MGAM: variants seen among roughly 807,000 people sequenced by gnomAD.
MGAM encodes the protein maltase-glucoamylase, also known as alpha-1,4-glucosidase.
A neutral mutation model predicts 358.8 loss-of-function variants in MGAM; 253 were observed. The observed-to-expected ratio is 0.71, with a 90% confidence interval of 0.64 to 0.78. The LOEUF is 0.78. MGAM is among the 30% of genes least tolerant of loss of function. The pLI is 0.00. For missense variants in MGAM, 3,080 were observed against 3,432.6 expected (o/e 0.90, Z 2.57); for synonymous variants, 1,105 against 1,227.1 (o/e 0.90, Z 2.08).
intron 26 of MGAM, 24 bp from the exon 27 acceptor site, chr7:142,054,730 T>C: frequency 6.2e-7 from 1 of 1,612,852 alleles, no homozygotes; most frequent in Non-Finnish European, 8.5e-7. Context: ...TATTGTTGCC[T>C]AAAATTGATT....
At chr7:142,065,055 A>T (rs1439345981) in intron 37 of MGAM, among the ~76,000 whole-genome samples, 2 of 152,212 alleles carry the variant, frequency 1.3e-5, no homozygotes, top group African/African-American at 4.8e-5. Flanking sequence ...AAAACTAAGT[A>T]TTGAGGAAAC....
chr7:142,086,394 C>A lies in MGAM; in HGVS notation c.6747+66C>A, dbSNP rs112814590. 8.5e-4 allele frequency: 1,037 copies of A among 1,223,322 alleles called. 140 individuals carry two copies. The East Asian group carries it at 0.026, about 31-fold the overall frequency. 75.8% of individuals were successfully genotyped at this position (1,223,322 alleles called of 1,614,324 possible). A position where few individuals can be genotyped will look rare whatever the true frequency, so the allele number is the denominator to read the frequency against. On this transcript the variant is annotated intron_variant, in intron 56 of 70. Transcript: ENST00000475668. Reference sequence around the variant, plus strand: ...GGTGGGTCACTGTTAGAGGGTCACACGCCTGTGTATGTTATTTTTGGCCTT... The same window carrying A: ...GGTGGGTCACTGTTAGAGGGTCACAAGCCTGTGTATGTTATTTTTGGCCTT...
chr7:141,990,605 T>C (rs374337990), intron 2 of MGAM, among the ~76,000 whole-genome samples: 27 of 152,296 alleles, frequency 1.8e-4, no homozygotes, highest in African/African-American at 4.6e-4. Flanking sequence ...GTCTCACAAC[T>C]GTCTTCTCTG....
intron 1 of MGAM, among the ~76,000 whole-genome samples, chr7:142,003,420 C>T (rs1371029818): frequency 6.6e-6 from 1 of 151,832 alleles, no homozygotes; most frequent in Non-Finnish European, 1.5e-5. Context: ...AGCCAAATAC[C>T]TACAATCAAC....
Position 142,028,986 on chromosome 7 carries a change from C to T in MGAM, c.1221+1251C>T, listed in dbSNP as rs1425717359. ...GCCACCATAATAATGAGTGCTACAA[C>T]GTGGTGAACTCTCGTGGCAGGCAGT... On this transcript the variant is annotated intron_variant, in intron 10 of 70. Transcript: ENST00000475668. Among the ~76,000 whole-genome samples, 11 of 152,264 alleles carry T rather than the reference C, an allele frequency of 7.2e-5. No individual in the cohort carries two copies. The East Asian group carries it at 7.7e-4, about 11-fold the overall frequency.
At chr7:142,065,963 GTTTTGTTTT>G (rs1437133457) in intron 40 of MGAM, 132 bp downstream of exon 40, 9 of 759,694 alleles carry the variant, frequency 1.2e-5, no homozygotes, top group East Asian at 6.1e-5. Flanking sequence ...GTTTTGTTTT[GTTTTGTTTT>G]TTTTTTTGAA....
intron 2 of MGAM, among the ~76,000 whole-genome samples, chr7:141,990,434 G>A (rs782432016): frequency 2.0e-5 from 3 of 152,160 alleles, no homozygotes; most frequent in Non-Finnish European, 4.4e-5. Flanking sequence ...ATAATCCAGT[G>A]TTTTGAATCT....
chr7:141,997,445 T>G (rs1804344245), intron 1 of MGAM, among the ~76,000 whole-genome samples: 1 of 152,194 alleles, frequency 6.6e-6, no homozygotes, highest in Non-Finnish European at 1.5e-5. Flanking sequence ...CAATGATTAT[T>G]TTTTATTATC....
intron 21 of MGAM, among the ~76,000 whole-genome samples, chr7:142,042,526 AT>A (rs200385998): frequency 3.8e-4 from 2 of 5,298 alleles, no homozygotes; most frequent in East Asian, 0.022. Flanking sequence ...ATATATACAT[AT>A]TATATATATA....
intron 45 of MGAM, among the ~76,000 whole-genome samples, chr7:142,075,846 G>A (rs903835191): frequency 6.9e-6 from 1 of 145,788 alleles, no homozygotes; most frequent in African/African-American, 2.4e-5. Context: ...ACTGTAAATT[G>A]TTACAACCAT....
In MGAM at chr7:142,036,150, T is replaced by C. The variant is rs782061373; in HGVS notation, c.1960-19T>C. 1 of 1,552,940 alleles carries C rather than the reference T, an allele frequency of 6.4e-7. No homozygotes were observed. The highest frequency in any genetic ancestry group is 1.4e-5 in the African/African-American group (1 of 73,758). ...TTAGAAGGAAGTGAGGTATACCTGT[T>C]GTCTGTGTGTCCTTCCAGGTGGGTC... is the stretch of plus-strand genomic sequence containing the variant. On this transcript the variant is annotated intron_variant, in intron 16 of 70. Coordinates refer to ENST00000475668, the MANE Select transcript of MGAM (RefSeq NM_001365693.1).
chr7:142,050,207 A>G (rs759251044), intron 22 of MGAM, 28 bp from the exon 23 acceptor site: 6 of 1,613,194 alleles, frequency 3.7e-6, no homozygotes, highest in South Asian at 2.2e-5. Context: ...GCAGGCCAGA[A>G]TCTGACTTGT....
At chr7:142,039,883 CAT>C (rs886739769) in intron 19 of MGAM, among the ~76,000 whole-genome samples, 26 of 152,220 alleles carry the variant, frequency 1.7e-4, no homozygotes, top group East Asian at 7.7e-4. Flanking sequence ...TGTCACCACA[CAT>C]GTTTTATTAT....
Position 142,084,548 on chromosome 7 carries a change from CTG to C in MGAM, c.6412_6413del (p.Trp2138ValfsTer16). On this transcript the variant is annotated frameshift_variant, in exon 54 of 71. Transcript: ENST00000475668. LOFTEE classifies it high-confidence loss of function. ...TTGGCCGGCCTGTGATGGTACCTTACTGGTCTTTGGGGTTCCAGCTGTGTCGC... is the reference window on the plus strand; with the variant it reads ...TTGGCCGGCCTGTGATGGTACCTTACGTCTTTGGGGTTCCAGCTGTGTCGC... ...LIGRPVMVPY[W>X]SLGFQLCRYG... The C allele has an allele frequency of 1.9e-6, 3 of 1,555,686 alleles. No individual in the cohort carries two copies. The highest frequency in any genetic ancestry group is 2.6e-6 in the Non-Finnish European group (3 of 1,132,296).
chr7:142,062,703 G>T lies in MGAM; in HGVS notation c.4257+1G>T, dbSNP rs371590004. 36 of 1,611,146 alleles carry T rather than the reference G, an allele frequency of 2.2e-5. No homozygotes were observed. The highest frequency in any genetic ancestry group is 1.5e-4 in the African/African-American group (11 of 74,768). On this transcript the variant is annotated splice_donor_variant, in intron 35 of 70. Coordinates refer to ENST00000475668, the MANE Select transcript of MGAM (RefSeq NM_001365693.1). LOFTEE classifies it high-confidence loss of function. ...CTTGAAGTTTGATGGCATGTGGATTGTAAGTGTGTGTGTGTCTCTGTGTAC... is the reference window on the plus strand; with the variant it reads ...CTTGAAGTTTGATGGCATGTGGATTTTAAGTGTGTGTGTGTCTCTGTGTAC...
At chr7:142,066,902 A>G (rs1812815314) in intron 41 of MGAM, among the ~76,000 whole-genome samples, 181 bp downstream of exon 41, 1 of 146,354 alleles carries the variant, frequency 6.8e-6, no homozygotes, top group African/African-American at 2.4e-5. Context: ...CGTAGGTCAT[A>G]AAAAAAGGGT....
intron 20 of MGAM, chr7:142,040,462 A>G: frequency 1.7e-6 from 1 of 586,736 alleles, no homozygotes; most frequent in Non-Finnish European, 3.0e-6. Context: ...TTGGTCAGGA[A>G]TCAGACTATC....
intron 30 of MGAM, among the ~76,000 whole-genome samples, 176 bp downstream of exon 30, chr7:142,057,118 T>C (rs1811628713): frequency 1.3e-5 from 2 of 152,206 alleles, no homozygotes; most frequent in East Asian, 3.8e-4. Context: ...TTATAGCCTC[T>C]GTAAGCATTG....
intron 31 of MGAM, 117 bp downstream of exon 31, chr7:142,058,445 A>G: frequency 1.3e-6 from 2 of 1,522,196 alleles, no homozygotes; most frequent in Non-Finnish European, 1.8e-6. Flanking sequence ...TTTTCAGACA[A>G]TATCACAGTT....
Sources: gnomAD v4.1 joint callset for allele counts (sites outside exome capture counted in the v4.1 genomes callset) on GRCh38, gnomAD v4.1.1 for gene constraint, MANE v1.5 for transcripts, NCBI Gene and HGNC (gene_info 2026-07-23, HGNC 2026-07-21) for gene names.